Variants in SLC24A4 observed in about 807,000 individuals in gnomAD.
SLC24A4 encodes solute carrier family 24 member 4.
A neutral mutation model predicts 79.0 loss-of-function variants in SLC24A4; 53 were observed. The ratio of observed to expected loss-of-function variants is 0.67; its 90% CI spans 0.54 to 0.84. SLC24A4 has a LOEUF of 0.84. Ranked by LOEUF, SLC24A4 falls within the 40% of genes least tolerant of loss-of-function variation. The probability of loss-of-function intolerance (pLI) is 0.00; values close to 1 mark genes in which losing one functional copy is unlikely to be tolerated. For missense variants in SLC24A4, 731 were observed against 822.0 expected (o/e 0.89, Z 1.35); for synonymous variants, 323 against 323.8 (o/e 1.00, Z 0.03).
At chr14:92,491,842 C>T (rs1895687448) in intron 15 of SLC24A4, 65 bp downstream of exon 15, 1 of 1,300,672 alleles carries the variant, frequency 7.7e-7, no homozygotes, top group Admixed American at 1.7e-5. Flanking sequence ...GGCCCAGTTC[C>T]AGCCAGAGGC....
intron 2 of SLC24A4, among the ~76,000 whole-genome samples, chr14:92,409,926 A>G (rs1890614492): frequency 6.6e-6 from 1 of 152,228 alleles, no homozygotes; most frequent in South Asian, 2.1e-4. Flanking sequence ...CATTATCCTT[A>G]ATAAACTAAC....
At chr14:92,366,336 T>C (rs934464712) in intron 2 of SLC24A4, among the ~76,000 whole-genome samples, 2 of 151,960 alleles carry the variant, frequency 1.3e-5, no homozygotes, top group Admixed American at 1.3e-4. Flanking sequence ...GGGGTTGGAG[T>C]CCATCCCCTC....
Position 92,380,152 on chromosome 14 carries a change from C to T in SLC24A4, c.242-53760C>T, listed in dbSNP as rs115099288. On this transcript the variant is annotated intron_variant, in intron 2 of 16. Coordinates refer to ENST00000532405, the MANE Select transcript of SLC24A4 (RefSeq NM_153646.4). ...GCGCTCGAAGCAAAAACGGGGTGCT[C>T]TGCATCCGAAGGCAGAACAGGCTGG... is the stretch of plus-strand genomic sequence containing the variant. Among the ~76,000 whole-genome samples, 1,385 of 152,340 alleles carry T rather than the reference C, an allele frequency of 9.1e-3. 23 individuals carry two copies. Among genetic ancestry groups the T allele is most frequent in the African/African-American group, 0.032 (1,318 of 41,570 alleles).
At chr14:92,455,003 C>A (rs1054226981) in intron 11 of SLC24A4, among the ~76,000 whole-genome samples, 33 of 152,070 alleles carry the variant, frequency 2.2e-4, no homozygotes, top group African/African-American at 7.2e-4. Context: ...TTTATAGTAT[C>A]TTTTTCATGG....
chr14:92,322,965 T>C (rs569599940), upstream of SLC24A4, among the ~76,000 whole-genome samples: 3 of 151,988 alleles, frequency 2.0e-5, no homozygotes, highest in South Asian at 2.1e-4. Context: ...TGCAGCTCCA[T>C]ATGGAAGAAA....
intron 9 of SLC24A4, among the ~76,000 whole-genome samples, chr14:92,448,801 C>G (rs1239011189): frequency 1.3e-5 from 2 of 152,172 alleles, no homozygotes; most frequent in Admixed American, 1.3e-4. Context: ...GTAAGTAGGC[C>G]TCAGTCATTT....
chr14:92,415,603 G>A (rs563802296), intron 2 of SLC24A4, among the ~76,000 whole-genome samples: 5 of 151,990 alleles, frequency 3.3e-5, no homozygotes, highest in East Asian at 1.9e-4. Context: ...GATTGTAAGC[G>A]CCCACAACCA....
In SLC24A4 at chr14:92,431,586, A is replaced by G. The variant is rs549749657; in HGVS notation, c.242-2326A>G. ...TCCCGGCTATCAGCAGCCAACTGGG[A>G]AGGGTGGGGTGGATATCTGCCTGCT... On this transcript the variant is annotated intron_variant, in intron 2 of 16. Transcript: ENST00000532405. Among the ~76,000 whole-genome samples the G allele has an allele frequency of 3.9e-5, 6 of 152,304 alleles. No homozygotes were observed. In the South Asian group the frequency reaches 1.2e-3, roughly 32 times the overall value.
At chr14:92,414,747 G>GA (rs1348606336) in intron 2 of SLC24A4, among the ~76,000 whole-genome samples, 3 of 152,104 alleles carry the variant, frequency 2.0e-5, no homozygotes, top group Non-Finnish European at 4.4e-5. Context: ...CTCAAAAACA[G>GA]AAAAAAGGAA....
intron 2 of SLC24A4, among the ~76,000 whole-genome samples, chr14:92,423,408 G>A (rs1891395173): frequency 6.6e-6 from 1 of 152,168 alleles, no homozygotes; most frequent in African/African-American, 2.4e-5. Context: ...GCCTTTCAAA[G>A]TGCGGCCTCC....
Position 92,353,877 on chromosome 14 carries a change from C to G in SLC24A4, c.241+27899C>G, listed in dbSNP as rs1160642670. Among the ~76,000 whole-genome samples the G allele has an allele frequency of 6.6e-6, 1 of 152,256 alleles. No homozygotes were observed. The highest frequency in any genetic ancestry group is 2.4e-5 in the African/African-American group (1 of 41,472). On this transcript the variant is annotated intron_variant, in intron 2 of 16. Coordinates refer to ENST00000532405, the MANE Select transcript of SLC24A4 (RefSeq NM_153646.4). This position sits in a 1 kb window ranked among gnomAD's most constrained non-coding sequence, Gnocchi z 4.1. Reference sequence around the variant, plus strand: ...CATAACTTCAGCTCCCCTGTCCCAGCTGCCTGTGCCGCCATCCCAAGTGAG... The same window carrying G: ...CATAACTTCAGCTCCCCTGTCCCAGGTGCCTGTGCCGCCATCCCAAGTGAG...
At chr14:92,411,643 A>G (rs1890722037) in intron 2 of SLC24A4, among the ~76,000 whole-genome samples, 1 of 152,172 alleles carries the variant, frequency 6.6e-6, no homozygotes, top group East Asian at 1.9e-4. Flanking sequence ...GAGGAGGAGA[A>G]ATCCATATTG....
At chr14:92,399,595 T>C (rs2141758109) in intron 2 of SLC24A4, among the ~76,000 whole-genome samples, 1 of 152,338 alleles carries the variant, frequency 6.6e-6, no homozygotes, top group East Asian at 1.9e-4. Flanking sequence ...TTTCTGGTTA[T>C]GGCTGTGAAA....
At chr14:92,375,310 T>G (rs1300973228) in intron 2 of SLC24A4, among the ~76,000 whole-genome samples, 1 of 152,058 alleles carries the variant, frequency 6.6e-6, no homozygotes, top group Non-Finnish European at 1.5e-5. Context: ...AAATAACAAG[T>G]GTTGGGAAGG....
At chr14:92,484,169 C>T (rs1376492344) in intron 13 of SLC24A4, 46 of 985,340 alleles carry the variant, frequency 4.7e-5, no homozygotes, top group East Asian at 2.3e-4. Flanking sequence ...AACCCAATCA[C>T]GCCTTCCCCC....
At position 92,445,299 on chromosome 14, in the gene SLC24A4, G is replaced by T; in HGVS notation, c.658-18G>T. The T allele has an allele frequency of 1.2e-6, 2 of 1,613,596 alleles. No homozygotes were observed. The highest frequency in any genetic ancestry group is 2.2e-5 in the South Asian group (2 of 91,078). ...AATATGTCCCACCCACCTCAACTCT[G>T]TTTCTTTTGCCTTACAGTTCATATA... On this transcript the variant is annotated intron_variant, in intron 7 of 16. Coordinates refer to ENST00000532405, the MANE Select transcript of SLC24A4 (RefSeq NM_153646.4).
intron 2 of SLC24A4, among the ~76,000 whole-genome samples, chr14:92,411,840 C>T (rs1254144610): frequency 6.6e-6 from 1 of 152,176 alleles, no homozygotes; most frequent in Non-Finnish European, 1.5e-5. Flanking sequence ...AAGGTAGGAA[C>T]TGGGTCACAC....
chr14:92,447,020 G>A (rs756017746), intron 8 of SLC24A4, among the ~76,000 whole-genome samples: 2 of 152,322 alleles, frequency 1.3e-5, no homozygotes, highest in South Asian at 4.1e-4. Flanking sequence ...GTCTCTCAGG[G>A]TCGAGTTTGT....
chr14:92,362,390 C>T (rs1887584041), intron 2 of SLC24A4, among the ~76,000 whole-genome samples: 1 of 152,308 alleles, frequency 6.6e-6, no homozygotes, highest in Non-Finnish European at 1.5e-5. Context: ...CTTCCCATCT[C>T]TCCAGTTCCT....
Sources: allele counts gnomAD v4.1 joint callset (sites outside exome capture counted in the v4.1 genomes callset), GRCh38; gene constraint gnomAD v4.1.1; non-coding constraint Gnocchi (gnomAD v3.1); transcripts MANE v1.5; gene names NCBI Gene and HGNC (gene_info 2026-07-23, HGNC 2026-07-21).